CNOT4: variants seen among roughly 807,000 people sequenced by gnomAD.
The protein encoded by CNOT4 is CCR4-NOT transcription complex subunit 4.
CNOT4 carries 8 observed loss-of-function variants against 73.8 expected under a neutral mutation model. That is an observed-to-expected ratio of 0.11 (90% CI 0.06 to 0.20). The LOEUF (loss-of-function observed/expected upper bound fraction) is 0.20. Among genes scored for constraint, CNOT4 ranks in the 10% least tolerant of loss-of-function variants. CNOT4 has a pLI of 1.00. For synonymous variants in CNOT4, 293 were observed against 321.1 expected, an observed-to-expected ratio of 0.91 and a Z score of 0.94; for missense variants, 564 against 883.4, an observed-to-expected ratio of 0.64 and a Z score of 4.58.
chr7:135,414,467 T>C (rs1271938195), intron 4 of CNOT4, 35 bp from the exon 5 acceptor site: 1 of 915,526 alleles, frequency 1.1e-6, no homozygotes, highest in South Asian at 1.4e-5. Flanking sequence ...CTGTTATTAG[T>C]TAAAAATTAA....
intron 10 of CNOT4, chr7:135,388,309 T>C (rs954680242): frequency 1.2e-5 from 12 of 985,060 alleles, no homozygotes; most frequent in Non-Finnish European, 1.4e-5. Flanking sequence ...CTTCTGAGCA[T>C]TAAATGACAC....
chr7:135,442,552 T>C (rs75068447), intron 1 of CNOT4, among the ~76,000 whole-genome samples: 1 of 152,304 alleles, frequency 6.6e-6, no homozygotes, highest in African/African-American at 2.4e-5. Context: ...TGAGCCGAGA[T>C]TGTGCCACTG....
chr7:135,373,748 T>A (rs1795353227), intron 10 of CNOT4, among the ~76,000 whole-genome samples: 1 of 151,794 alleles, frequency 6.6e-6, no homozygotes, highest in Non-Finnish European at 1.5e-5. Context: ...AGCTAATTTT[T>A]TTTTTGTATT....
At chr7:135,375,094 T>C (rs1284990618) in intron 10 of CNOT4, among the ~76,000 whole-genome samples, 1 of 152,228 alleles carries the variant, frequency 6.6e-6, no homozygotes, top group East Asian at 1.9e-4. Flanking sequence ...AAAAGAACTC[T>C]ATAAACATAA....
chr7:135,401,840 A>G (rs1797018594), intron 7 of CNOT4, among the ~76,000 whole-genome samples: 1 of 152,214 alleles, frequency 6.6e-6, no homozygotes, highest in South Asian at 2.1e-4. Context: ...TGAAACTGTC[A>G]TGATCTGAGA....
intron 10 of CNOT4, among the ~76,000 whole-genome samples, chr7:135,389,073 GTAGT>G (rs1796265224): frequency 1.4e-5 from 2 of 146,442 alleles, no homozygotes; most frequent in African/African-American, 5.0e-5. Context: ...TACTTGGAAA[GTAGT>G]TATATTCTAA....
intron 7 of CNOT4, among the ~76,000 whole-genome samples, chr7:135,401,496 A>G (rs1796999287): frequency 1.3e-5 from 2 of 152,182 alleles, no homozygotes; most frequent in South Asian, 4.1e-4. Flanking sequence ...TTCTTAAATC[A>G]ACCTCTTTCT....
chr7:135,476,926 A>G (rs1015901019), intron 1 of CNOT4, among the ~76,000 whole-genome samples: 3 of 152,214 alleles, frequency 2.0e-5, no homozygotes, highest in Admixed American at 2.0e-4. Flanking sequence ...AAAACAAACA[A>G]ATAAACAAAA....
intron 2 of CNOT4, among the ~76,000 whole-genome samples, chr7:135,432,687 G>T (rs1488366434): frequency 6.6e-6 from 1 of 152,010 alleles, no homozygotes; most frequent in Non-Finnish European, 1.5e-5. Flanking sequence ...ATTCCTTCAT[G>T]TTGGTGGGGC....
intron 2 of CNOT4, among the ~76,000 whole-genome samples, chr7:135,426,535 A>G (rs1163591821): frequency 6.6e-6 from 1 of 151,262 alleles, no homozygotes. Flanking sequence ...CCCAGGAGGC[A>G]GAACTTGCAG....
chr7:135,487,877 C>G (rs1206815826), intron 1 of CNOT4, among the ~76,000 whole-genome samples: 2 of 152,070 alleles, frequency 1.3e-5, no homozygotes, highest in Non-Finnish European at 2.9e-5. Context: ...CACGGTGAAA[C>G]CTCGTCTCTA....
At chr7:135,486,913 T>TA (rs960889966) in intron 1 of CNOT4, among the ~76,000 whole-genome samples, 4 of 151,580 alleles carry the variant, frequency 2.6e-5, no homozygotes, top group Non-Finnish European at 4.4e-5. Context: ...CCTCAAAGCA[T>TA]AAAAAAAATA....
intron 1 of CNOT4, among the ~76,000 whole-genome samples, chr7:135,474,334 G>C (rs1801851209): frequency 7.1e-6 from 1 of 141,430 alleles, no homozygotes; most frequent in Admixed American, 7.4e-5. Context: ...GCCCAGGCTG[G>C]AGTGCAGAGG....
chr7:135,423,471 TAA>T (rs57293861), intron 2 of CNOT4, among the ~76,000 whole-genome samples: 8 of 140,066 alleles, frequency 5.7e-5, no homozygotes, highest in African/African-American at 1.0e-4. Context: ...ATATAAGCGT[TAA>T]AAAAAAAAAA....
intron 1 of CNOT4, among the ~76,000 whole-genome samples, chr7:135,460,396 T>C (rs1466749901): frequency 6.6e-6 from 1 of 152,190 alleles, no homozygotes; most frequent in Admixed American, 6.5e-5. Context: ...GTGAGAGACA[T>C]GTGATTCTTT....
intron 1 of CNOT4, among the ~76,000 whole-genome samples, chr7:135,448,826 A>C (rs1799992463): frequency 6.6e-6 from 1 of 152,202 alleles, no homozygotes; most frequent in Non-Finnish European, 1.5e-5. Flanking sequence ...TCACTAGAGG[A>C]GCTCAAAAGT....
chr7:135,370,729 T>C (rs918804862), intron 10 of CNOT4, among the ~76,000 whole-genome samples: 1 of 152,226 alleles, frequency 6.6e-6, no homozygotes, highest in African/African-American at 2.4e-5. Context: ...CAACAAAATC[T>C]GTTTAATTCC....
chr7:135,436,439 T>C (rs1460499560), intron 2 of CNOT4, among the ~76,000 whole-genome samples: 3 of 151,982 alleles, frequency 2.0e-5, no homozygotes, highest in African/African-American at 7.2e-5. Context: ...TGAAAGTCAT[T>C]ACTTCTGATG....
At chr7:135,496,611 C>T (rs1309550094) in intron 1 of CNOT4, among the ~76,000 whole-genome samples, 1 of 152,046 alleles carries the variant, frequency 6.6e-6, no homozygotes, top group South Asian at 2.1e-4. Context: ...AGAAGCAACA[C>T]TATCCTGAAT....
Sources: gnomAD v4.1 joint callset for allele counts (sites outside exome capture counted in the v4.1 genomes callset) on GRCh38, gnomAD v4.1.1 for gene constraint, MANE v1.5 for transcripts, NCBI Gene and HGNC (gene_info 2026-07-23, HGNC 2026-07-21) for gene names.